The following PTPRM variants were observed in gnomAD, a reference collection of about 807,000 sequenced individuals.
The protein encoded by PTPRM is receptor-type tyrosine-protein phosphatase mu.
PTPRM carries 47 observed loss-of-function variants against 186.7 expected under a neutral mutation model. The observed-to-expected ratio is 0.25, with a 90% CI of 0.20 to 0.32. The LOEUF (loss-of-function observed/expected upper bound fraction) is 0.32, where lower values mean the gene tolerates loss of function less well. Among genes scored for constraint, PTPRM ranks in the 10% least tolerant of loss-of-function variants. The pLI is 1.00. For missense variants in PTPRM, 1,494 were observed against 1,865.0 expected, an observed-to-expected ratio of 0.80 and a Z score of 3.66; for synonymous variants, 668 against 674.9, an observed-to-expected ratio of 0.99 and a Z score of 0.16.
chr18:8,033,305 CTA>C (rs2086109750), intron 7 of PTPRM, among the ~76,000 whole-genome samples: 2 of 152,106 alleles, frequency 1.3e-5, no homozygotes, highest in African/African-American at 4.8e-5. Context: ...ACAGATGTAA[CTA>C]TACATATGTA....
chr18:8,198,635 A>G (rs186016226), intron 14 of PTPRM, among the ~76,000 whole-genome samples: 14 of 152,160 alleles, frequency 9.2e-5, no homozygotes, highest in African/African-American at 3.4e-4. Flanking sequence ...TGCGGAGAGG[A>G]TCTAAACAGA....
At chr18:7,855,280 T>C (rs1400384548) in intron 2 of PTPRM, among the ~76,000 whole-genome samples, 1 of 152,198 alleles carries the variant, frequency 6.6e-6, no homozygotes, top group African/African-American at 2.4e-5. Context: ...TACTGGCATG[T>C]AGTGATTAAG....
At chr18:7,947,972 G>T (rs75277822) in intron 5 of PTPRM, among the ~76,000 whole-genome samples, 434 of 152,224 alleles carry the variant, frequency 2.9e-3, no homozygotes, top group Non-Finnish European at 5.0e-3. Flanking sequence ...GCTCCTGGTT[G>T]GGATGCCAAG....
At chr18:8,107,646 G>T (rs1366374685) in intron 11 of PTPRM, among the ~76,000 whole-genome samples, 1 of 152,146 alleles carries the variant, frequency 6.6e-6, no homozygotes, top group Non-Finnish European at 1.5e-5. Flanking sequence ...TGCTTGTGGT[G>T]CCCCACAAAT....
chr18:8,030,027 T>C (rs1057356821), intron 7 of PTPRM, among the ~76,000 whole-genome samples: 8 of 152,188 alleles, frequency 5.3e-5, no homozygotes, highest in Non-Finnish European at 1.0e-4. Flanking sequence ...CGCAGACCAA[T>C]CCATTCCTTT....
At chr18:7,870,347 C>G (rs1157436591) in intron 2 of PTPRM, among the ~76,000 whole-genome samples, 1 of 152,106 alleles carries the variant, frequency 6.6e-6, no homozygotes, top group African/African-American at 2.4e-5. Flanking sequence ...TTATGTCTTC[C>G]CTTTTGGCAA....
intron 14 of PTPRM, among the ~76,000 whole-genome samples, chr18:8,145,059 C>A (rs759101575): frequency 2.0e-5 from 3 of 151,962 alleles, no homozygotes; most frequent in Admixed American, 6.6e-5. Context: ...ATAACTCTAA[C>A]GTTAGGATTG....
At chr18:8,038,720 G>A (rs961995773) in intron 7 of PTPRM, among the ~76,000 whole-genome samples, 25 of 152,050 alleles carry the variant, frequency 1.6e-4, no homozygotes, top group Admixed American at 1.4e-3. Context: ...GCACATAGCC[G>A]TATTTCCAAG....
rs75040253 is a variant in PTPRM at position 8,077,223 on chromosome 18, T to C, written c.1551+659T>C. On this transcript the variant is annotated intron_variant, in intron 9 of 32. Transcript: ENST00000580170. ...TGTCATAGAAACAAGCAGGTGTGTT[T>C]TTTTAAGCTAGCATTTATTTGAATG... Among the ~76,000 whole-genome samples the C allele has an allele frequency of 4.3e-4, 66 of 152,306 alleles. 1 individual carries two copies. In the East Asian group the frequency reaches 6.8e-3, roughly 16 times the overall value.
In PTPRM at chr18:7,658,359, TAC is replaced by T. The variant is rs1555647587; in HGVS notation, c.73+90470_73+90471del. ...ATATATATATATATATATATATATA[TAC>T]ATACACACACACACACGCTATAAAA... On this transcript the variant is annotated intron_variant, in intron 1 of 32. Transcript: ENST00000580170. Among the ~76,000 whole-genome samples the T allele has an allele frequency of 3.0e-3, 409 of 136,616 alleles. 1 individual carries two copies. In the East Asian group the frequency reaches 0.039, roughly 13 times the overall value. The allele number at this position is 136,616 out of a possible 152,430, so 89.6% of individuals were successfully genotyped here.
chr18:7,997,870 G>A (rs1231999522), intron 7 of PTPRM, among the ~76,000 whole-genome samples: 1 of 152,150 alleles, frequency 6.6e-6, no homozygotes, highest in East Asian at 1.9e-4. Context: ...TCCAAAGAAA[G>A]TTATAACAGA....
At chr18:7,774,475 C>G (rs1344522784) in intron 2 of PTPRM, among the ~76,000 whole-genome samples, 1 of 152,172 alleles carries the variant, frequency 6.6e-6, no homozygotes, top group East Asian at 1.9e-4. Context: ...CTAAATTATA[C>G]TTCTTTTATT....
intron 7 of PTPRM, among the ~76,000 whole-genome samples, chr18:7,955,991 G>T (rs550857457): frequency 1.3e-5 from 2 of 152,104 alleles, no homozygotes; most frequent in African/African-American, 4.8e-5. Flanking sequence ...AACCCATTCC[G>T]CAACTTAAGT....
intron 2 of PTPRM, among the ~76,000 whole-genome samples, chr18:7,871,998 AG>A (rs1352880748): frequency 6.6e-5 from 10 of 152,378 alleles, no homozygotes; most frequent in Admixed American, 6.5e-4. Flanking sequence ...GATACATAAA[AG>A]GATTTAAAAT....
chr18:8,056,741 C>T (rs1024536078), intron 7 of PTPRM, among the ~76,000 whole-genome samples: 2 of 119,522 alleles, frequency 1.7e-5, no homozygotes, highest in African/African-American at 6.5e-5. Context: ...TGAAATGCAG[C>T]CTTTTTTAGC....
intron 1 of PTPRM, among the ~76,000 whole-genome samples, chr18:7,754,024 A>G (rs1248658570): frequency 6.6e-6 from 1 of 152,060 alleles, no homozygotes; most frequent in African/African-American, 2.4e-5. Flanking sequence ...ATACATCTCT[A>G]TGGGTGCAGT....
intron 1 of PTPRM, among the ~76,000 whole-genome samples, chr18:7,720,937 T>C (rs2040434063): frequency 6.6e-6 from 1 of 152,148 alleles, no homozygotes; most frequent in Non-Finnish European, 1.5e-5. Context: ...GCAATGAACA[T>C]GGGTATACAG....
Position 8,252,475 on chromosome 18 carries a change from A to G in PTPRM, c.2555-13A>G, listed in dbSNP as rs2094536855. Reference sequence around the variant, plus strand: ...CTCCTCCTTTTTTCTCCTGATATGTATCTTCTTAAAAGTGCCAATAAATGG... The same window carrying G: ...CTCCTCCTTTTTTCTCCTGATATGTGTCTTCTTAAAAGTGCCAATAAATGG... On this transcript the variant is annotated splice_polypyrimidine_tract_variant and intron_variant, in intron 17 of 32. Transcript: ENST00000580170. 2 of 1,538,146 alleles carry G rather than the reference A, an allele frequency of 1.3e-6. No homozygotes were observed. Among genetic ancestry groups the G allele is most frequent in the African/African-American group, 1.4e-5 (1 of 73,130 alleles).
intron 2 of PTPRM, among the ~76,000 whole-genome samples, chr18:7,863,096 T>C (rs1434850021): frequency 2.0e-5 from 3 of 152,206 alleles, no homozygotes; most frequent in Non-Finnish European, 4.4e-5. Flanking sequence ...GCTTGTCTTT[T>C]TAAGTATAGA....
Sources: allele counts gnomAD v4.1 joint callset (sites outside exome capture counted in the v4.1 genomes callset), GRCh38; gene constraint gnomAD v4.1.1; transcripts MANE v1.5; gene names NCBI Gene and HGNC (gene_info 2026-07-23, HGNC 2026-07-21).